The following ASTN2 variants were observed in gnomAD, a reference collection of about 807,000 sequenced individuals.
ASTN2 encodes the protein astrotactin 2, also known as astrotactin-2.
ASTN2 carries 54 observed loss-of-function variants against 139.8 expected under a neutral mutation model. The observed-to-expected ratio is 0.39, with a 90% CI of 0.31 to 0.48. The LOEUF (loss-of-function observed/expected upper bound fraction) is 0.48, where lower values mean the gene tolerates loss of function less well. ASTN2 is among the 20% of genes least tolerant of loss of function. The pLI, the probability that ASTN2 is intolerant of heterozygous loss-of-function variation, is 0.95. For synonymous variants in ASTN2, 756 were observed against 719.5 expected, an observed-to-expected ratio of 1.05 and a Z score of -0.81; for missense variants, 1,565 against 1,725.1, an observed-to-expected ratio of 0.91 and a Z score of 1.64.
At chr9:117,310,084 T>A (rs1188580957) in intron 1 of ASTN2, among the ~76,000 whole-genome samples, 1 of 152,114 alleles carries the variant, frequency 6.6e-6, no homozygotes, top group African/African-American at 2.4e-5. Flanking sequence ...TGTCTTCCCT[T>A]CTCTGAGCCA....
intron 4 of ASTN2, among the ~76,000 whole-genome samples, chr9:117,137,943 G>C (rs1461301936): frequency 2.6e-5 from 4 of 152,122 alleles, no homozygotes; most frequent in Non-Finnish European, 5.9e-5. Context: ...GAGTCTAAGG[G>C]GGAAATAGAA....
At chr9:116,712,928 T>A (rs1828208170) in intron 16 of ASTN2, among the ~76,000 whole-genome samples, 3 of 152,126 alleles carry the variant, frequency 2.0e-5, no homozygotes, top group Non-Finnish European at 2.9e-5. Flanking sequence ...TGGCATGTAA[T>A]GAATTCTCAG....
intron 19 of ASTN2, among the ~76,000 whole-genome samples, chr9:116,591,046 C>T (rs374315910): frequency 3.3e-4 from 51 of 152,312 alleles, no homozygotes; most frequent in African/African-American, 1.0e-3. Context: ...GACAAGAACT[C>T]GAGACTTGCC....
chr9:116,658,201 T>C (rs1254017739), intron 16 of ASTN2, among the ~76,000 whole-genome samples: 1 of 152,144 alleles, frequency 6.6e-6, no homozygotes, highest in Non-Finnish European at 1.5e-5. Flanking sequence ...ACTCTAAGTT[T>C]TGTGAGAGGA....
intron 19 of ASTN2, among the ~76,000 whole-genome samples, chr9:116,498,744 G>T (rs1159618194): frequency 6.6e-6 from 1 of 152,140 alleles, no homozygotes; most frequent in East Asian, 1.9e-4. Flanking sequence ...GCCAGGTAAG[G>T]TAATAAAAAT....
intron 19 of ASTN2, among the ~76,000 whole-genome samples, chr9:116,537,518 T>C (rs1311218178): frequency 6.6e-6 from 1 of 152,222 alleles, no homozygotes; most frequent in Non-Finnish European, 1.5e-5. Context: ...ATACATGTGG[T>C]AGGAACCCTG....
intron 5 of ASTN2, among the ~76,000 whole-genome samples, chr9:117,067,608 T>A (rs1200200087): frequency 6.8e-6 from 1 of 146,210 alleles, no homozygotes; most frequent in East Asian, 2.0e-4. Context: ...AGTATGGCCA[T>A]TTTCATGATG....
intron 3 of ASTN2, among the ~76,000 whole-genome samples, chr9:117,155,378 C>T (rs181804492): frequency 6.6e-6 from 1 of 152,052 alleles, no homozygotes; most frequent in East Asian, 1.9e-4. Flanking sequence ...AATAGAGATC[C>T]ATCCTAGGGA....
intron 13 of ASTN2, among the ~76,000 whole-genome samples, chr9:116,782,283 A>T (rs1299099231): frequency 6.6e-6 from 1 of 152,322 alleles, no homozygotes; most frequent in African/African-American, 2.4e-5. Context: ...TTAACTTGCC[A>T]AACTCCCCAT....
intron 1 of ASTN2, among the ~76,000 whole-genome samples, chr9:117,295,747 A>T (rs184780885): frequency 1.4e-4 from 21 of 151,970 alleles, no homozygotes; most frequent in Admixed American, 1.2e-3. Flanking sequence ...TCATCAGAGA[A>T]TTAAAAAAAA....
chr9:117,379,646 A>G (rs905616057), intron 1 of ASTN2, among the ~76,000 whole-genome samples: 1 of 152,234 alleles, frequency 6.6e-6, no homozygotes, highest in African/African-American at 2.4e-5. Flanking sequence ...AGGGTGTCCA[A>G]GGATGAATAA....
At chr9:117,178,824 A>G (rs1231000426) in intron 3 of ASTN2, among the ~76,000 whole-genome samples, 1 of 152,188 alleles carries the variant, frequency 6.6e-6, no homozygotes, top group Non-Finnish European at 1.5e-5. Flanking sequence ...CACCAGCCCT[A>G]ATTAAGTTAT....
chr9:116,723,697 T>TA (rs778249670), intron 16 of ASTN2, among the ~76,000 whole-genome samples: 1 of 152,012 alleles, frequency 6.6e-6, no homozygotes, highest in Non-Finnish European at 1.5e-5. Flanking sequence ...CTCCCAAATA[T>TA]AAAAAATAAA....
chr9:116,514,932 C>G (rs1326328778), intron 19 of ASTN2, among the ~76,000 whole-genome samples: 1 of 152,166 alleles, frequency 6.6e-6, no homozygotes, highest in Admixed American at 6.5e-5. Flanking sequence ...TTCCCTGACC[C>G]TTTGTGCTTC....
intron 16 of ASTN2, among the ~76,000 whole-genome samples, chr9:116,708,724 C>G (rs184770067): frequency 1.3e-5 from 2 of 152,354 alleles, no homozygotes; most frequent in East Asian, 3.9e-4. Flanking sequence ...ATCCCTGACA[C>G]TTGCCAGAAA....
intron 11 of ASTN2, among the ~76,000 whole-genome samples, chr9:116,821,761 C>T (rs1469961341): frequency 6.6e-6 from 1 of 152,114 alleles, no homozygotes; most frequent in Non-Finnish European, 1.5e-5. Flanking sequence ...CCAAGGAGTT[C>T]AACCTTCAAT....
At chr9:116,986,066 A>G (rs547831505) in intron 7 of ASTN2, among the ~76,000 whole-genome samples, 9 of 152,256 alleles carry the variant, frequency 5.9e-5, no homozygotes, top group Middle Eastern at 3.4e-3. Context: ...CAGTTACTGC[A>G]TCGCCAGACG....
At chr9:116,635,097 T>C (rs1417554794) in intron 17 of ASTN2, among the ~76,000 whole-genome samples, 1 of 152,236 alleles carries the variant, frequency 6.6e-6, no homozygotes, top group Non-Finnish European at 1.5e-5. Context: ...CCACTGAGGT[T>C]ATAAGTAATT....
At chr9:116,465,449 G>A (rs1184457833) in intron 20 of ASTN2, among the ~76,000 whole-genome samples, 3 of 152,160 alleles carry the variant, frequency 2.0e-5, no homozygotes, top group Admixed American at 6.5e-5. Context: ...AAGGCTTTGC[G>A]TAAGCACAAG....
Sources: allele counts gnomAD v4.1 joint callset (sites outside exome capture counted in the v4.1 genomes callset), GRCh38; gene constraint gnomAD v4.1.1; transcripts MANE v1.5; gene names NCBI Gene and HGNC (gene_info 2026-07-23, HGNC 2026-07-21).